TENM3: variants seen among roughly 807,000 people sequenced by gnomAD.
TENM3 encodes the protein teneurin transmembrane protein 3, also known as teneurin-3.
In TENM3, 63 loss-of-function variants were observed where a neutral mutation model predicts 255.1. That is an observed-to-expected ratio of 0.25 (90% CI 0.20 to 0.30). The LOEUF (loss-of-function observed/expected upper bound fraction) is 0.30. Ranked by LOEUF, TENM3 falls within the 10% of genes least tolerant of loss-of-function variation. The pLI is 1.00. For synonymous variants in TENM3, 1,306 were observed against 1,322.3 expected, an observed-to-expected ratio of 0.99 and a Z score of 0.27; for missense variants, 2,929 against 3,461.1, an observed-to-expected ratio of 0.85 and a Z score of 3.86.
intron 3 of TENM3, among the ~76,000 whole-genome samples, chr4:182,378,034 C>T (rs534001568): frequency 1.3e-5 from 2 of 152,162 alleles, no homozygotes; most frequent in East Asian, 1.9e-4. Flanking sequence ...GTGGAGGATA[C>T]GGAGGGAAGG....
the TENM3 span, among the ~76,000 whole-genome samples, chr4:181,792,740 G>A: frequency 2.0e-5 from 3 of 152,012 alleles, no homozygotes; most frequent in African/African-American, 7.2e-5. Flanking sequence ...AATACATTTT[G>A]TCAAATTTGC....
At chr4:182,163,126 A>C (rs956044998) in intron 1 of TENM3, among the ~76,000 whole-genome samples, 1 of 151,950 alleles carries the variant, frequency 6.6e-6, no homozygotes, top group African/African-American at 2.4e-5. Flanking sequence ...CTTATTTCAG[A>C]GTTTCTGGTC....
the TENM3 span, among the ~76,000 whole-genome samples, chr4:182,125,982 C>T: frequency 1.3e-5 from 2 of 151,998 alleles, no homozygotes; most frequent in African/African-American, 4.8e-5. Flanking sequence ...CACCCTTTTC[C>T]TTTGCATCCC....
intron 7 of TENM3, 41 bp downstream of exon 7, chr4:182,673,260 G>C: frequency 7.2e-7 from 1 of 1,390,280 alleles, no homozygotes; most frequent in Non-Finnish European, 9.9e-7. Flanking sequence ...AAAACTGCCA[G>C]TTGCATTTTT....
the TENM3 span, among the ~76,000 whole-genome samples, chr4:181,688,975 C>T: frequency 6.6e-6 from 1 of 152,184 alleles, no homozygotes; most frequent in African/African-American, 2.4e-5. Flanking sequence ...CAAATAATCT[C>T]TCCCCCATTC....
At chr4:181,890,401 T>A in the TENM3 span, among the ~76,000 whole-genome samples, 2 of 152,026 alleles carry the variant, frequency 1.3e-5, no homozygotes, top group Non-Finnish European at 2.9e-5. Flanking sequence ...GCAGAAATAT[T>A]TATAAATAGG....
At chr4:182,227,665 C>G (rs1393813510) in intron 1 of TENM3, among the ~76,000 whole-genome samples, 1 of 146,836 alleles carries the variant, frequency 6.8e-6, no homozygotes, top group Non-Finnish European at 1.5e-5. Flanking sequence ...CCTTTTCAAC[C>G]TTGTTGTCAT....
chr4:181,746,512 T>A, the TENM3 span, among the ~76,000 whole-genome samples: 1 of 152,012 alleles, frequency 6.6e-6, no homozygotes, highest in Non-Finnish European at 1.5e-5. Flanking sequence ...GATAGGGTAT[T>A]TAAGGAGGTG....
rs1048588667 is a variant in TENM3, at chr4:182,783,160, T to C, written c.5305-5933T>C. ...AGTTTCTTCCTAGTCTTGATGGTCT[T>C]TACATTTTGGCATGACTTTGCAGCA... On this transcript the variant is annotated intron_variant, in intron 24 of 27. Transcript: ENST00000511685. Among the ~76,000 whole-genome samples, 6 of 152,226 alleles carry C rather than the reference T, an allele frequency of 3.9e-5. No individual in the cohort carries two copies. In the East Asian group the frequency reaches 9.6e-4, roughly 24 times the overall value.
the TENM3 span, among the ~76,000 whole-genome samples, chr4:181,521,737 CAT>C: frequency 2.6e-5 from 4 of 152,054 alleles, no homozygotes; most frequent in East Asian, 1.9e-4. Flanking sequence ...CTTCTTCCCA[CAT>C]GTCAGTCATT....
chr4:181,518,921 A>G, the TENM3 span, among the ~76,000 whole-genome samples: 1 of 152,316 alleles, frequency 6.6e-6, no homozygotes, highest in Admixed American at 6.5e-5. Flanking sequence ...TGCCCGTAGT[A>G]CAATATGGAC....
the TENM3 span, among the ~76,000 whole-genome samples, chr4:181,465,756 C>T: frequency 4.0e-5 from 6 of 151,760 alleles, no homozygotes; most frequent in Non-Finnish European, 8.8e-5. Flanking sequence ...ACTCCACCTT[C>T]CCCCTTCACT....
At chr4:182,125,477 G>A in the TENM3 span, among the ~76,000 whole-genome samples, 1 of 152,194 alleles carries the variant, frequency 6.6e-6, no homozygotes, top group African/African-American at 2.4e-5. Flanking sequence ...ATTCCCTGTG[G>A]ATAAGGGGAA....
chr4:182,739,498 G>A (rs1374232107), intron 18 of TENM3, among the ~76,000 whole-genome samples: 1 of 152,150 alleles, frequency 6.6e-6, no homozygotes, highest in Non-Finnish European at 1.5e-5. Context: ...AGAGAAAAAA[G>A]TCACAGTCTC....
the TENM3 span, among the ~76,000 whole-genome samples, chr4:181,531,491 C>T: frequency 2.0e-5 from 3 of 152,118 alleles, no homozygotes; most frequent in East Asian, 5.8e-4. Flanking sequence ...GTGATTAAGG[C>T]TCCATGACAT....
At chr4:182,035,713 C>T in the TENM3 span, among the ~76,000 whole-genome samples, 1 of 152,138 alleles carries the variant, frequency 6.6e-6, no homozygotes, top group Non-Finnish European at 1.5e-5. Flanking sequence ...TCCCACTAAG[C>T]TTTCCGTCCT....
the TENM3 span, among the ~76,000 whole-genome samples, chr4:181,976,916 G>T: frequency 1.3e-5 from 2 of 152,196 alleles, 1 homozygote; most frequent in Middle Eastern, 6.3e-3. Flanking sequence ...AAACTCAAGG[G>T]AGATATAATT....
chr4:182,528,122 T>C (rs529899701), intron 3 of TENM3, among the ~76,000 whole-genome samples: 1 of 152,280 alleles, frequency 6.6e-6, no homozygotes, highest in Admixed American at 6.5e-5. Context: ...TTTAAAAGTT[T>C]GTTTTTTTAT....
At chr4:182,276,846 G>T (rs1760035211) in intron 1 of TENM3, among the ~76,000 whole-genome samples, 1 of 152,044 alleles carries the variant, frequency 6.6e-6, no homozygotes, top group Admixed American at 6.6e-5. Context: ...CTCTCTGCTG[G>T]GCATAAAGTC....
Sources: gnomAD v4.1 joint callset for allele counts (sites outside exome capture counted in the v4.1 genomes callset) on GRCh38, gnomAD v4.1.1 for gene constraint, MANE v1.5 for transcripts, NCBI Gene and HGNC (gene_info 2026-07-23, HGNC 2026-07-21) for gene names.